LEF1: variants seen among roughly 807,000 people sequenced by gnomAD.
LEF1 encodes the protein lymphoid enhancer binding factor 1.
Under a neutral mutation model 51.2 loss-of-function variants are expected in LEF1, and 14 were observed. The observed-to-expected ratio is 0.27, with a 90% CI of 0.18 to 0.43. LEF1 has a LOEUF of 0.43. Among genes scored for constraint, LEF1 ranks in the 20% least tolerant of loss-of-function variants. The pLI is 1.00. For missense variants in LEF1, 386 were observed against 512.0 expected, an observed-to-expected ratio of 0.75 and a Z score of 2.37; for synonymous variants, 185 against 183.2, an observed-to-expected ratio of 1.01 and a Z score of -0.08.
Position 108,083,898 on chromosome 4 carries a change from T to C in LEF1, c.548-452A>G, listed in dbSNP as rs1739475733. On this transcript the variant is annotated intron_variant, in intron 4 of 11. Coordinates refer to ENST00000265165, the MANE Select transcript of LEF1 (RefSeq NM_016269.5). The stretch of plus-strand genomic sequence containing the variant: ...ATTTTCATTGGTTCCCTTATGGACA[T>C]ATAGATTTGGGAAATGTGACACCTC... 2.0e-5 allele frequency among the ~76,000 whole-genome samples: 3 copies of C among 152,300 alleles called. No individual in the cohort carries two copies. In the South Asian group the frequency reaches 6.2e-4, roughly 32 times the overall value.
intron 3 of LEF1, among the ~76,000 whole-genome samples, chr4:108,148,453 T>G (rs1214245209): frequency 6.6e-6 from 1 of 152,178 alleles, no homozygotes; most frequent in Non-Finnish European, 1.5e-5. Context: ...ACTGCTCTAC[T>G]AGGCTGCAAC....
At chr4:108,165,682 T>C (rs1745339907) in intron 1 of LEF1, among the ~76,000 whole-genome samples, 1 of 152,088 alleles carries the variant, frequency 6.6e-6, no homozygotes, top group African/African-American at 2.4e-5. Context: ...CAGCAGAAGC[T>C]CCACTCGAGC....
chr4:108,119,078 T>TA (rs1197030517), intron 3 of LEF1, among the ~76,000 whole-genome samples: 3 of 151,266 alleles, frequency 2.0e-5, no homozygotes, highest in Admixed American at 6.6e-5. Flanking sequence ...TAAGATTTTT[T>TA]AAAAAACATT....
rs911320472 is a variant in LEF1, at chr4:108,048,915, C to CTT, written c.*7-165_*7-164insAA. 5 of 463,194 alleles carry CTT rather than the reference C, an allele frequency of 1.1e-5. No individual in the cohort carries two copies. In the Admixed American group the frequency reaches 1.6e-4, roughly 14 times the overall value. 28.7% of individuals were successfully genotyped at this position (463,194 alleles called of 1,614,324 possible). On this transcript the variant is annotated intron_variant, in intron 11 of 11. Coordinates refer to ENST00000265165, the MANE Select transcript of LEF1 (RefSeq NM_016269.5). ...TGAATTGCCCTATCAGTCAAAAATC[C>CTT]TGAGAGTACACTACAGAGTTAATAT...
At chr4:108,083,500 G>T in intron 4 of LEF1, 54 bp from the exon 5 acceptor site, 1 of 1,124,912 alleles carries the variant, frequency 8.9e-7, no homozygotes, top group Non-Finnish European at 1.3e-6. Context: ...TATTTAACCA[G>T]AAATGCAACT....
intron 3 of LEF1, among the ~76,000 whole-genome samples, chr4:108,117,843 C>T (rs922645258): frequency 3.3e-5 from 5 of 152,148 alleles, no homozygotes; most frequent in African/African-American, 1.2e-4. Flanking sequence ...CCTCCCAAGT[C>T]CCCATTTTAG....
intron 3 of LEF1, among the ~76,000 whole-genome samples, chr4:108,099,570 G>GTGTGTATATATA (rs1266681210): frequency 1.0e-4 from 7 of 70,204 alleles, no homozygotes; most frequent in Non-Finnish European, 2.0e-4. Context: ...GTGTGTGTGT[G>GTGTGTATATATA]TATATATATA....
chr4:108,074,753 C>T (rs890384315), intron 8 of LEF1, among the ~76,000 whole-genome samples: 1 of 152,152 alleles, frequency 6.6e-6, no homozygotes. Context: ...CAGACAGAGA[C>T]CCCAAATAAG....
chr4:108,145,386 G>A (rs111344984), intron 3 of LEF1, among the ~76,000 whole-genome samples: 3,913 of 152,174 alleles, frequency 0.026, 158 homozygotes, highest in African/African-American at 0.089. Context: ...CCAAAATAAC[G>A]AGAAATTATC....
chr4:108,070,888 AATT>A, intron 8 of LEF1, 118 bp from the exon 9 acceptor site: 1 of 735,496 alleles, frequency 1.4e-6, no homozygotes, highest in Non-Finnish European at 2.2e-6. Flanking sequence ...TTTATTTTTA[AATT>A]GCAGAAGACC....
intron 4 of LEF1, among the ~76,000 whole-genome samples, chr4:108,086,870 T>C (rs569326488): frequency 1.0e-5 from 1 of 97,770 alleles, no homozygotes; most frequent in East Asian, 2.8e-4. Flanking sequence ...ATGTGCTCCC[T>C]AATAGGAAAT....
chr4:108,066,367 A>G (rs932151341), intron 9 of LEF1, among the ~76,000 whole-genome samples: 2 of 152,180 alleles, frequency 1.3e-5, no homozygotes, highest in African/African-American at 2.4e-5. Flanking sequence ...TATCTATTCC[A>G]TGAACCTTCT....
chr4:108,061,232 G>C (rs1343286904), intron 11 of LEF1, among the ~76,000 whole-genome samples: 3 of 152,158 alleles, frequency 2.0e-5, no homozygotes, highest in Non-Finnish European at 4.4e-5. Flanking sequence ...GTAGGGTGGA[G>C]AGAGAGGGTT....
intron 9 of LEF1, 66 bp downstream of exon 9, chr4:108,070,597 C>T: frequency 9.4e-7 from 1 of 1,066,720 alleles, no homozygotes; most frequent in Non-Finnish European, 1.5e-6. Flanking sequence ...AAACACATTT[C>T]CTTCTTGAAC....
At chr4:108,078,888 G>A (rs1223680687) in intron 7 of LEF1, among the ~76,000 whole-genome samples, 2 of 151,968 alleles carry the variant, frequency 1.3e-5, no homozygotes, top group African/African-American at 4.8e-5. Flanking sequence ...GCATACATTC[G>A]CAAGGGCTTT....
intron 3 of LEF1, among the ~76,000 whole-genome samples, chr4:108,133,623 G>C (rs1743047661): frequency 6.6e-6 from 1 of 152,192 alleles, no homozygotes; most frequent in South Asian, 2.1e-4. Context: ...CTGGGCTCAA[G>C]TGATTCTCCT....
intron 3 of LEF1, among the ~76,000 whole-genome samples, chr4:108,118,069 G>C (rs1007273300): frequency 6.6e-6 from 1 of 152,176 alleles, no homozygotes. Flanking sequence ...GGAGTGGGGA[G>C]TGACGAGGCT....
chr4:108,089,791 C>T (rs1036480604), intron 3 of LEF1, among the ~76,000 whole-genome samples: 4 of 152,190 alleles, frequency 2.6e-5, no homozygotes, highest in Non-Finnish European at 4.4e-5. Context: ...TTACAGAGTT[C>T]ATAACTCTAT....
chr4:108,141,123 A>G (rs1345614550), intron 3 of LEF1, among the ~76,000 whole-genome samples: 4 of 152,222 alleles, frequency 2.6e-5, no homozygotes, highest in African/African-American at 7.2e-5. Flanking sequence ...AGTGTAATAA[A>G]CCAAAGTTAA....
Sources: gnomAD v4.1 joint callset for allele counts (sites outside exome capture counted in the v4.1 genomes callset) on GRCh38, gnomAD v4.1.1 for gene constraint, MANE v1.5 for transcripts, NCBI Gene and HGNC (gene_info 2026-07-23, HGNC 2026-07-21) for gene names.